The following GSTO2 variants were observed in gnomAD, a reference collection of about 807,000 sequenced individuals.
GSTO2 encodes the protein glutathione S-transferase omega 2.
Under a neutral mutation model 28.4 loss-of-function variants are expected in GSTO2, and 23 were observed. The ratio of observed to expected loss-of-function variants is 0.81; its 90% CI spans 0.58 to 1.15. The LOEUF (loss-of-function observed/expected upper bound fraction) is 1.15. GSTO2 is among the 50% of genes most tolerant of loss of function. GSTO2 has a pLI of 0.00. For synonymous variants in GSTO2, 109 were observed against 111.0 expected (o/e 0.98, Z 0.11); for missense variants, 298 against 297.8 (o/e 1.00, Z 0.00).
At chr10:104,278,226 C>T in intron 4 of GSTO2, 110 bp downstream of exon 4, 1 of 776,314 alleles carries the variant, frequency 1.3e-6, no homozygotes, top group Non-Finnish European at 2.1e-6. Context: ...TGTTTTGATA[C>T]CATGTGATCC....
chr10:104,286,372 G>T (rs2012422814), intron 5 of GSTO2, among the ~76,000 whole-genome samples: 1 of 152,128 alleles, frequency 6.6e-6, no homozygotes, highest in African/African-American at 2.4e-5. Flanking sequence ...AGCATTTCAT[G>T]AGCTATTTTC....
chr10:104,287,341 C>T (rs1375233088), intron 5 of GSTO2, among the ~76,000 whole-genome samples: 1 of 152,198 alleles, frequency 6.6e-6, no homozygotes, highest in African/African-American at 2.4e-5. Flanking sequence ...CAGGTGTGAG[C>T]CACCACACCT....
intron 6 of GSTO2, among the ~76,000 whole-genome samples, chr10:104,298,002 G>A (rs903130432): frequency 2.0e-5 from 3 of 152,204 alleles, no homozygotes; most frequent in Non-Finnish European, 2.9e-5. Context: ...CACAGTCACA[G>A]TGCCCAACGC....
rs1214740552 is a variant in GSTO2, at chr10:104,274,764, C to T, written c.-152C>T. ...CTAGCTCCTGCTCCAGATCGCTTCC[C>T]CGTGCCCCGCCAGAGCCCAGTAGTT... On this transcript the variant is annotated 5_prime_UTR_variant, in exon 2 of 7. Coordinates refer to ENST00000338595, the MANE Select transcript of GSTO2 (RefSeq NM_183239.2). The T allele has an allele frequency of 1.1e-6, 1 of 913,332 alleles. No homozygotes were observed. Among genetic ancestry groups the T allele is most frequent in the Non-Finnish European group, 1.7e-6 (1 of 586,650 alleles). 56.6% of individuals were successfully genotyped at this position (913,332 alleles called of 1,614,324 possible). A position where few individuals can be genotyped will look rare whatever the true frequency, so the allele number is the denominator to read the frequency against.
At chr10:104,277,826 C>A in intron 3 of GSTO2, 68 bp from the exon 4 acceptor site, 3 of 1,067,064 alleles carry the variant, frequency 2.8e-6, no homozygotes, top group South Asian at 1.3e-5. Flanking sequence ...CTTCTGCTTT[C>A]AAGAAGAGTG....
chr10:104,288,342 T>G (rs2012571648), intron 5 of GSTO2: 1 of 152,200 alleles, frequency 6.6e-6, no homozygotes, highest in Non-Finnish European at 1.5e-5. Flanking sequence ...ATAAAAAGCA[T>G]TTTCTCTATT....
rs780328657 is a variant in GSTO2, at chr10:104,299,544, C to T, written c.*260C>T. The T allele has an allele frequency of 3.8e-5, 15 of 391,114 alleles. No individual in the cohort carries two copies. Among genetic ancestry groups the T allele is most frequent in the South Asian group, 2.3e-4 (9 of 38,646 alleles). 24.2% of individuals were successfully genotyped at this position (391,114 alleles called of 1,614,324 possible). On this transcript the variant is annotated 3_prime_UTR_variant, in exon 7 of 7. Transcript: ENST00000338595. Reference sequence around the variant, plus strand: ...TCAGGCTGGAGTGCAGTGGGACAGTCGGCTCACTGCAGCCTTGAACTCCTG... The same window carrying T: ...TCAGGCTGGAGTGCAGTGGGACAGTTGGCTCACTGCAGCCTTGAACTCCTG...
chr10:104,288,681 C>T (rs1246756462), intron 5 of GSTO2, among the ~76,000 whole-genome samples: 1 of 152,188 alleles, frequency 6.6e-6, no homozygotes, highest in Non-Finnish European at 1.5e-5. Flanking sequence ...TGCTCCTGGT[C>T]TTGCAAAATT....
At chr10:104,292,992 C>T (rs867675893) in intron 5 of GSTO2, among the ~76,000 whole-genome samples, 1 of 152,152 alleles carries the variant, frequency 6.6e-6, no homozygotes, top group Non-Finnish European at 1.5e-5. Flanking sequence ...ATGCAAGGGA[C>T]TTGTTTTAAA....
At chr10:104,272,485 T>C (rs1336601004) in intron 1 of GSTO2, among the ~76,000 whole-genome samples, 1 of 151,928 alleles carries the variant, frequency 6.6e-6, no homozygotes, top group Admixed American at 6.6e-5. Context: ...CTTCCAGGGT[T>C]CCTAGTCCTC....
At chr10:104,278,651 T>C (rs1366447707) in intron 4 of GSTO2, among the ~76,000 whole-genome samples, 1 of 152,140 alleles carries the variant, frequency 6.6e-6, no homozygotes, top group African/African-American at 2.4e-5. Context: ...CCCCTAATTG[T>C]TGTATTTTTA....
intron 4 of GSTO2, among the ~76,000 whole-genome samples, 178 bp from the exon 5 acceptor site, chr10:104,279,192 T>A (rs1364814115): frequency 1.3e-5 from 2 of 152,108 alleles, no homozygotes; most frequent in African/African-American, 4.8e-5. Context: ...AGAAGTAGAT[T>A]CCTACTGAGA....
At chr10:104,275,381 A>G (rs1343824823) in intron 3 of GSTO2, 47 bp downstream of exon 3, 1 of 1,574,622 alleles carries the variant, frequency 6.4e-7, no homozygotes, top group South Asian at 1.1e-5. Flanking sequence ...AGCGCCTCAC[A>G]GGAGCCCGGG....
intron 5 of GSTO2, among the ~76,000 whole-genome samples, chr10:104,282,470 C>T (rs1249870556): frequency 7.3e-5 from 11 of 151,222 alleles, no homozygotes; most frequent in Admixed American, 7.3e-4. Flanking sequence ...GAGAGGATCA[C>T]TGGAGCCTAG....
At chr10:104,270,015 C>CTTT (rs762585008) in intron 1 of GSTO2, among the ~76,000 whole-genome samples, 2 of 141,734 alleles carry the variant, frequency 1.4e-5, no homozygotes, top group African/African-American at 2.6e-5. Flanking sequence ...TAGTATCTAC[C>CTTT]TTTTTTTTTT....
intron 1 of GSTO2, among the ~76,000 whole-genome samples, chr10:104,274,060 A>T (rs1352429893): frequency 6.6e-6 from 1 of 152,236 alleles, no homozygotes; most frequent in Non-Finnish European, 1.5e-5. Flanking sequence ...CACGTCTATT[A>T]TCTCACGTAA....
chr10:104,271,661 C>T (rs1411475603), intron 1 of GSTO2, among the ~76,000 whole-genome samples: 1 of 152,248 alleles, frequency 6.6e-6, no homozygotes, highest in Non-Finnish European at 1.5e-5. Context: ...TCCCTGTCTT[C>T]TAACTCTACC....
In GSTO2 at chr10:104,299,208, A is replaced by G. The variant is rs779684374; in HGVS notation, c.656A>G (p.Asp219Gly). ...CCCACAGTCTGTGCTCTTCTCATGG[A>G]TAAGAGCATTTTCCAGGGCTTCTTG... ...WDPTVCALLM[D>G]KSIFQGFLNL... The change falls in exon 7 of 7, where the codon GAT becomes GGT. Residue 219 changes from aspartate to glycine, a missense_variant. Asp to Gly is a moderately conservative substitution (Grantham distance 94). Coordinates refer to ENST00000338595, the MANE Select transcript of GSTO2 (RefSeq NM_183239.2). 7.4e-6 allele frequency: 12 copies of G among 1,614,150 alleles called. No individual in the cohort carries two copies. In the South Asian group the frequency reaches 7.7e-5, roughly 10 times the overall value.
rs1369860210 is a variant in GSTO2 at position 104,301,137 on chromosome 10, T to C, written c.*1853T>C. On this transcript the variant is annotated 3_prime_UTR_variant, in exon 7 of 7. Coordinates refer to ENST00000338595, the MANE Select transcript of GSTO2 (RefSeq NM_183239.2). ...CCAAGAAGAGGGGAATCTTCTCCTG[T>C]GGCCTCTCATAGGACTTAGGAGATT... 1 of 152,288 alleles carries C rather than the reference T, an allele frequency of 6.6e-6. No individual in the cohort carries two copies. Among genetic ancestry groups the C allele is most frequent in the East Asian group, 1.9e-4 (1 of 5,200 alleles). The allele number at this position is 152,288 out of a possible 1,614,324, so 9.4% of individuals were successfully genotyped here. A position where few individuals can be genotyped will look rare whatever the true frequency, so the allele number is the denominator to read the frequency against.
Sources: gnomAD v4.1 joint callset for allele counts (sites outside exome capture counted in the v4.1 genomes callset) on GRCh38, gnomAD v4.1.1 for gene constraint, MANE v1.5 for transcripts, NCBI Gene and HGNC (gene_info 2026-07-23, HGNC 2026-07-21) for gene names.